Variants in TBCA observed in about 807,000 individuals in gnomAD.
The protein encoded by TBCA is tubulin folding cofactor A.
TBCA carries 6 observed loss-of-function variants against 15.8 expected under a neutral mutation model. The ratio of observed to expected loss-of-function variants is 0.38; its 90% CI spans 0.21 to 0.75. The LOEUF (loss-of-function observed/expected upper bound fraction) is 0.75, where lower values mean the gene tolerates loss of function less well. Ranked by LOEUF, TBCA falls within the 30% of genes least tolerant of loss-of-function variation. The pLI is 0.46. For missense variants in TBCA, 90 were observed against 131.2 expected (o/e 0.69, Z 1.53); for synonymous variants, 32 against 42.3 (o/e 0.76, Z 0.94).
intron 2 of TBCA, among the ~76,000 whole-genome samples, chr5:77,700,795 A>G (rs907474440): frequency 5.3e-5 from 8 of 152,224 alleles, no homozygotes; most frequent in African/African-American, 1.9e-4. Flanking sequence ...TATCTTTGAC[A>G]AAGCAAACAA....
chr5:77,762,909 C>T (rs761687996), intron 1 of TBCA, among the ~76,000 whole-genome samples: 1 of 152,184 alleles, frequency 6.6e-6, no homozygotes, highest in Non-Finnish European at 1.5e-5. Flanking sequence ...GCCTCACACC[C>T]TCTTTTTTTC....
At chr5:77,718,619 G>A (rs1019041001) in intron 1 of TBCA, among the ~76,000 whole-genome samples, 2 of 152,128 alleles carry the variant, frequency 1.3e-5, no homozygotes, top group African/African-American at 4.8e-5. Context: ...ACCAATCCTT[G>A]TGGTCATTAT....
At chr5:77,700,589 A>G (rs559238863) in intron 2 of TBCA, among the ~76,000 whole-genome samples, 2 of 152,362 alleles carry the variant, frequency 1.3e-5, no homozygotes, top group East Asian at 3.9e-4. Flanking sequence ...GTGAAGATGT[A>G]GAGAAATTGA....
intron 1 of TBCA, among the ~76,000 whole-genome samples, chr5:77,737,567 T>C (rs901205403): frequency 2.0e-5 from 3 of 152,332 alleles, no homozygotes; most frequent in African/African-American, 7.2e-5. Flanking sequence ...AGCTGCTTAA[T>C]TTCCCTGTCT....
At chr5:77,702,359 T>C (rs895136579) in intron 2 of TBCA, among the ~76,000 whole-genome samples, 6 of 152,286 alleles carry the variant, frequency 3.9e-5, no homozygotes, top group African/African-American at 1.4e-4. Context: ...GAACAAACTA[T>C]TGATACACTC....
intron 1 of TBCA, among the ~76,000 whole-genome samples, chr5:77,743,155 CAA>C (rs1219940680): frequency 3.3e-5 from 5 of 152,166 alleles, no homozygotes; most frequent in Non-Finnish European, 7.3e-5. Context: ...CCATTAGACT[CAA>C]AATACCGGTT....
chr5:77,773,804 A>C (rs1580143900), intron 1 of TBCA, among the ~76,000 whole-genome samples: 2 of 152,330 alleles, frequency 1.3e-5, no homozygotes, highest in South Asian at 4.1e-4. Context: ...GGAAGAAGCC[A>C]GTTGGTTTCT....
At chr5:77,740,963 A>G (rs1220712643) in intron 1 of TBCA, among the ~76,000 whole-genome samples, 1 of 152,248 alleles carries the variant, frequency 6.6e-6, no homozygotes, top group Non-Finnish European at 1.5e-5. Context: ...GTCAAAAATA[A>G]TAATAAGGGG....
At chr5:77,708,978 CTGTCT>C (rs1425436934) in intron 1 of TBCA, among the ~76,000 whole-genome samples, 2 of 137,332 alleles carry the variant, frequency 1.5e-5, no homozygotes, top group Non-Finnish European at 3.1e-5. Context: ...ATTAATACAA[CTGTCT>C]TTTTTTTTTT....
At chr5:77,732,988 T>C (rs1016246102) in intron 1 of TBCA, among the ~76,000 whole-genome samples, 3 of 152,068 alleles carry the variant, frequency 2.0e-5, no homozygotes, top group African/African-American at 7.2e-5. Flanking sequence ...ACATCAAAAG[T>C]TAGAAACGAT....
chr5:77,706,256 C>T (rs1158627717), intron 2 of TBCA, among the ~76,000 whole-genome samples: 2 of 152,126 alleles, frequency 1.3e-5, no homozygotes, highest in Non-Finnish European at 1.5e-5. Context: ...CAAGCTGGTT[C>T]ACATTCTCCT....
At chr5:77,699,856 G>A (rs1410170087) in intron 2 of TBCA, among the ~76,000 whole-genome samples, 4 of 151,776 alleles carry the variant, frequency 2.6e-5, no homozygotes, top group African/African-American at 4.8e-5. Flanking sequence ...TGACCAACAC[G>A]GTGAAACCTT....
intron 1 of TBCA, among the ~76,000 whole-genome samples, chr5:77,735,891 T>A (rs1205650387): frequency 6.6e-6 from 1 of 152,150 alleles, no homozygotes; most frequent in Non-Finnish European, 1.5e-5. Context: ...TAAAACAAAT[T>A]TTGCAATAAA....
intron 2 of TBCA, among the ~76,000 whole-genome samples, chr5:77,696,619 C>T (rs1745876687): frequency 6.6e-6 from 1 of 151,874 alleles, no homozygotes; most frequent in Non-Finnish European, 1.5e-5. Context: ...ATAATGTAAA[C>T]ATTAATTTAA....
chr5:77,732,566 A>C (rs1487390979), intron 1 of TBCA, among the ~76,000 whole-genome samples: 1 of 151,570 alleles, frequency 6.6e-6, no homozygotes. Flanking sequence ...AAAAAAAAAA[A>C]AAAAAAAAAA....
At chr5:77,762,873 A>G (rs901066392) in intron 1 of TBCA, among the ~76,000 whole-genome samples, 1 of 152,206 alleles carries the variant, frequency 6.6e-6, no homozygotes, top group Non-Finnish European at 1.5e-5. Context: ...GAAGAAGATG[A>G]TTAAGTGAGT....
Position 77,776,322 on chromosome 5 carries a change from G to C in TBCA, c.-65C>G. ...GGGTAACCGTGGAGGGCGACGCGCA[G>C]AGGCTGCGGCTATTTAGGCGTGGTC... On this transcript the variant is annotated 5_prime_UTR_variant, in exon 1 of 4. Coordinates refer to ENST00000380377, the MANE Select transcript of TBCA (RefSeq NM_004607.3). 6 of 1,542,206 alleles carry C rather than the reference G, an allele frequency of 3.9e-6. No homozygotes were observed. Among genetic ancestry groups the C allele is most frequent in the Non-Finnish European group, 5.3e-6 (6 of 1,140,696 alleles).
At chr5:77,723,088 G>A (rs1054892272) in intron 1 of TBCA, among the ~76,000 whole-genome samples, 1 of 151,318 alleles carries the variant, frequency 6.6e-6, no homozygotes, top group Admixed American at 6.6e-5. Flanking sequence ...GTATTATCAA[G>A]AAAAATATTT....
chr5:77,763,310 T>C (rs937348593), intron 1 of TBCA, among the ~76,000 whole-genome samples: 1 of 151,864 alleles, frequency 6.6e-6, no homozygotes, highest in African/African-American at 2.4e-5. Flanking sequence ...TTTTCCAAAA[T>C]GAAAACTAAA....
Sources: gnomAD v4.1 joint callset for allele counts (sites outside exome capture counted in the v4.1 genomes callset) on GRCh38, gnomAD v4.1.1 for gene constraint, MANE v1.5 for transcripts, NCBI Gene and HGNC (gene_info 2026-07-23, HGNC 2026-07-21) for gene names.